Variants in KCNH5 observed in about 807,000 individuals in gnomAD.
KCNH5 encodes voltage-gated delayed rectifier potassium channel KCNH5.
Under a neutral mutation model 96.1 loss-of-function variants are expected in KCNH5, and 46 were observed. The observed-to-expected ratio is 0.48, with a 90% CI of 0.38 to 0.61. KCNH5 has a LOEUF of 0.61. Among genes scored for constraint, KCNH5 ranks in the 20% least tolerant of loss-of-function variants. The probability of loss-of-function intolerance (pLI) is 0.00; values close to 1 mark genes in which losing one functional copy is unlikely to be tolerated. For synonymous variants in KCNH5, 439 were observed against 449.8 expected (o/e 0.98, Z 0.30); for missense variants, 907 against 1,225.8 (o/e 0.74, Z 3.88).
intron 1 of KCNH5, among the ~76,000 whole-genome samples, 181 bp from the exon 2 acceptor site, chr14:63,017,135 C>A (rs1022637109): frequency 5.3e-5 from 8 of 151,970 alleles, no homozygotes; most frequent in Non-Finnish European, 1.2e-4. Context: ...ATGAGACCTG[C>A]AATAAATATC....
intron 6 of KCNH5, among the ~76,000 whole-genome samples, chr14:62,959,889 G>A (rs946203720): frequency 1.3e-5 from 2 of 152,050 alleles, no homozygotes; most frequent in African/African-American, 2.4e-5. Context: ...TAACTGTCAA[G>A]GCATTTGTTT....
chr14:62,752,548 T>C (rs1885524608), intron 10 of KCNH5, among the ~76,000 whole-genome samples: 1 of 151,972 alleles, frequency 6.6e-6, no homozygotes, highest in African/African-American at 2.4e-5. Flanking sequence ...CCTTGGGCCT[T>C]AAGAAAACAT....
chr14:62,892,798 C>T (rs1236215098), intron 7 of KCNH5, among the ~76,000 whole-genome samples: 1 of 152,172 alleles, frequency 6.6e-6, no homozygotes, highest in African/African-American at 2.4e-5. Context: ...AATGACAACA[C>T]ATATGTTTAA....
chr14:62,874,972 T>C, intron 7 of KCNH5, among the ~76,000 whole-genome samples: 2 of 141,236 alleles, frequency 1.4e-5, no homozygotes, highest in Non-Finnish European at 3.1e-5. Context: ...CTCCTTAAGC[T>C]GATAAGCAAC....
rs1884452988 is a variant in KCNH5 at position 62,707,317 on chromosome 14, C to CAT, written c.*190_*191insAT. The CAT allele has an allele frequency of 2.1e-5, 7 of 333,988 alleles. No homozygotes were observed. Among genetic ancestry groups the CAT allele is most frequent in the Non-Finnish European group, 3.7e-5 (7 of 189,636 alleles). The allele number at this position is 333,988 out of a possible 1,614,324, so 20.7% of individuals were successfully genotyped here. A position where few individuals can be genotyped will look rare whatever the true frequency, so the allele number is the denominator to read the frequency against. On this transcript the variant is annotated 3_prime_UTR_variant, in exon 11 of 11. Coordinates refer to ENST00000322893, the MANE Select transcript of KCNH5 (RefSeq NM_139318.5). ...TGCAGTCAACTGCATAATATACAAG[C>CAT]AATATCTATGTTTTTAATCATCATC...
chr14:62,918,419 A>T (rs996670074), intron 7 of KCNH5, among the ~76,000 whole-genome samples: 3 of 152,170 alleles, frequency 2.0e-5, no homozygotes, highest in Admixed American at 2.0e-4. Flanking sequence ...ATAAATAGTT[A>T]CTAAAATAGG....
intron 8 of KCNH5, among the ~76,000 whole-genome samples, chr14:62,808,103 T>A (rs1886804955): frequency 6.6e-6 from 1 of 152,112 alleles, no homozygotes; most frequent in East Asian, 1.9e-4. Flanking sequence ...AAAGTAAAAG[T>A]CACTAAAAGT....
intron 1 of KCNH5, among the ~76,000 whole-genome samples, chr14:63,044,376 C>T (rs1016052982): frequency 6.6e-6 from 1 of 152,108 alleles, no homozygotes; most frequent in African/African-American, 2.4e-5. Context: ...AACTTTAACG[C>T]CAGTAGCAAG....
At chr14:62,817,112 CATA>C (rs1243406235) in intron 8 of KCNH5, among the ~76,000 whole-genome samples, 1 of 130,558 alleles carries the variant, frequency 7.7e-6, no homozygotes, top group Non-Finnish European at 1.6e-5. Context: ...TTATATATGA[CATA>C]ATATATTTAT....
intron 2 of KCNH5, among the ~76,000 whole-genome samples, chr14:63,014,937 A>G (rs1181996231): frequency 2.0e-5 from 3 of 152,078 alleles, no homozygotes; most frequent in African/African-American, 7.2e-5. Context: ...CATGAAACTC[A>G]GCTTTTTCTA....
chr14:62,740,517 C>G (rs1036015694), intron 10 of KCNH5, among the ~76,000 whole-genome samples: 7 of 152,064 alleles, frequency 4.6e-5, no homozygotes, highest in African/African-American at 1.7e-4. Flanking sequence ...TTTCTTTTCA[C>G]GGCACTCCGA....
intron 8 of KCNH5, among the ~76,000 whole-genome samples, chr14:62,841,353 AC>A (rs763136712): frequency 6.6e-6 from 1 of 152,214 alleles, no homozygotes; most frequent in East Asian, 1.9e-4. Context: ...AATAGCCATT[AC>A]TGCAGATTTA....
At chr14:62,777,859 TTG>T (rs56291938) in intron 10 of KCNH5, among the ~76,000 whole-genome samples, 52,226 of 147,050 alleles carry the variant, frequency 0.36, 9,280 homozygotes, top group South Asian at 0.62. Context: ...GTATGTGTAT[TTG>T]TGTGTGTGTG....
chr14:62,724,841 T>C (rs112880596), intron 10 of KCNH5, among the ~76,000 whole-genome samples: 1 of 152,192 alleles, frequency 6.6e-6, no homozygotes, highest in Non-Finnish European at 1.5e-5. Context: ...AGTGTTGCAA[T>C]TGCCAAGAAT....
intron 8 of KCNH5, among the ~76,000 whole-genome samples, chr14:62,809,357 C>T (rs987712189): frequency 2.6e-5 from 4 of 152,216 alleles, no homozygotes; most frequent in African/African-American, 9.6e-5. Flanking sequence ...GAATGGTTTG[C>T]TTTCCTTTAA....
Position 62,759,609 on chromosome 14 carries a change from C to T in KCNH5, c.2019+20119G>A, listed in dbSNP as rs983732993. On this transcript the variant is annotated intron_variant, in intron 10 of 10. Coordinates refer to ENST00000322893, the MANE Select transcript of KCNH5 (RefSeq NM_139318.5). The stretch of plus-strand genomic sequence containing the variant: ...ATTACATTTGTTTAAGTCTTTTCTG[C>T]TGACAAACTTGTCCTGATTGAATTT... Among the ~76,000 whole-genome samples the T allele has an allele frequency of 4.5e-5, 5 of 109,962 alleles. No individual in the cohort carries two copies. The South Asian group carries it at 2.0e-3, about 44-fold the overall frequency. 72.1% of individuals were successfully genotyped at this position (109,962 alleles called of 152,430 possible).
Position 62,981,208 on chromosome 14 carries a change from C to T in KCNH5, c.606G>A (p.Thr202=), listed in dbSNP as rs961145593. The change falls in exon 6 of 11, where the codon ACG becomes ACA. Residue 202 remains threonine, a synonymous_variant. Coordinates refer to ENST00000322893, the MANE Select transcript of KCNH5 (RefSeq NM_139318.5). ...LPQYKQEAPK[T]PPHIILHYCA... is the part of the protein sequence containing the mutation. Reference sequence around the variant, plus strand: ...AATAATGTAAAATAATGTGTGGTGGCGTCTTTGGCGCTTCTTGTTTATACT... The same window carrying T: ...AATAATGTAAAATAATGTGTGGTGGTGTCTTTGGCGCTTCTTGTTTATACT... 4.3e-6 allele frequency: 7 copies of T among 1,613,942 alleles called. No individual in the cohort carries two copies. Among genetic ancestry groups the T allele is most frequent in the Middle Eastern group, 1.6e-4 (1 of 6,082 alleles).
intron 10 of KCNH5, among the ~76,000 whole-genome samples, chr14:62,747,307 C>A (rs1885398691): frequency 1.3e-5 from 2 of 152,016 alleles, no homozygotes; most frequent in South Asian, 4.1e-4. Flanking sequence ...TGCACTCCAG[C>A]CTGGGCAACA....
intron 10 of KCNH5, among the ~76,000 whole-genome samples, chr14:62,737,191 C>T (rs978090649): frequency 2.6e-5 from 4 of 152,168 alleles, no homozygotes; most frequent in African/African-American, 7.2e-5. Context: ...ATACATTTTA[C>T]TTATTTGTTT....
Sources: gnomAD v4.1 joint callset for allele counts (sites outside exome capture counted in the v4.1 genomes callset) on GRCh38, gnomAD v4.1.1 for gene constraint, MANE v1.5 for transcripts, NCBI Gene and HGNC (gene_info 2026-07-23, HGNC 2026-07-21) for gene names.